Variants in UBR2 observed in about 807,000 individuals in gnomAD.
UBR2 encodes ubiquitin protein ligase E3 component n-recognin 2, also known as E3 ubiquitin-protein ligase UBR2.
A neutral mutation model predicts 247.9 loss-of-function variants in UBR2; 92 were observed. The ratio of observed to expected loss-of-function variants is 0.37; its 90% CI spans 0.31 to 0.44. The LOEUF (loss-of-function observed/expected upper bound fraction) is 0.44. Ranked by LOEUF, UBR2 falls within the 20% of genes least tolerant of loss-of-function variation. The pLI, the probability that UBR2 is intolerant of heterozygous loss-of-function variation, is 1.00. For missense variants in UBR2, 1,613 were observed against 2,112.6 expected (o/e 0.76, Z 4.64); for synonymous variants, 672 against 693.5 (o/e 0.97, Z 0.49).
intron 34 of UBR2, among the ~76,000 whole-genome samples, chr6:42,669,365 A>G (rs1798304317): frequency 6.6e-6 from 1 of 152,160 alleles, no homozygotes. Context: ...GAATCTGAAC[A>G]TTCATGTCCT....
intron 43 of UBR2, 71 bp downstream of exon 43, chr6:42,683,182 T>G (rs1799157705): frequency 7.7e-7 from 1 of 1,306,860 alleles, no homozygotes; most frequent in Non-Finnish European, 1.1e-6. Context: ...AGTGCTATAT[T>G]CCTTCAGAAA....
chr6:42,568,797 C>G (rs1790937207), intron 1 of UBR2, among the ~76,000 whole-genome samples: 1 of 152,168 alleles, frequency 6.6e-6, no homozygotes, highest in African/African-American at 2.4e-5. Flanking sequence ...TATTGTTACG[C>G]TTGCCACCAG....
intron 38 of UBR2, among the ~76,000 whole-genome samples, chr6:42,674,839 C>G (rs1361212880): frequency 1.3e-5 from 2 of 151,836 alleles, no homozygotes; most frequent in African/African-American, 4.8e-5. Flanking sequence ...CTGGCAGATA[C>G]AGCCCTGTGG....
rs1562312114 is a variant in UBR2 at position 42,614,408 on chromosome 6, G to GTACGTACATACATACGTATA, written c.986-661_986-660insCGTACATACATACGTATATA. Among the ~76,000 whole-genome samples the GTACGTACATACATACGTATA allele has an allele frequency of 1.6e-4, 5 of 32,196 alleles. 1 individual carries two copies. The highest frequency in any genetic ancestry group is 9.8e-4 in the Admixed American group (3 of 3,074). 21.1% of individuals were successfully genotyped at this position (32,196 alleles called of 152,430 possible). On this transcript the variant is annotated intron_variant, in intron 8 of 46. Transcript: ENST00000372901. ...TGTATGTACGTACATACATACGTATGTATGTACGTACGTACATATATATGT... is the reference window on the plus strand; with the variant it reads ...TGTATGTACGTACATACATACGTATGTACGTACATACATACGTATATATGTACGTACGTACATATATATGT...
chr6:42,679,217 C>T (rs531466322), intron 41 of UBR2, among the ~76,000 whole-genome samples: 2 of 152,296 alleles, frequency 1.3e-5, no homozygotes, highest in Admixed American at 1.3e-4. Context: ...CCGTAGAGTA[C>T]CTGCATGCAG....
At position 42,652,509 on chromosome 6, in the gene UBR2, TG is replaced by T. The variant is rs1192462460; in HGVS notation, c.2634del (p.Leu878PhefsTer50). On this transcript the variant is annotated frameshift_variant, in exon 25 of 47. Coordinates refer to ENST00000372901, the MANE Select transcript of UBR2 (RefSeq NM_001363705.2). LOFTEE classifies it high-confidence loss of function. ...TTTTCAGCACTCCCACCTCCGGTGT[TG>T]CCTCCATTCTGCCCTCTGTTTGCAA... ...REDTALPPPV[L>X]PPFCPLFASL... 1 of 1,608,074 alleles carries T rather than the reference TG, an allele frequency of 6.2e-7. No homozygotes were observed. Among genetic ancestry groups the T allele is most frequent in the Admixed American group, 1.7e-5 (1 of 57,960 alleles).
At chr6:42,588,981 A>G (rs1249328378) in intron 2 of UBR2, among the ~76,000 whole-genome samples, 1 of 152,084 alleles carries the variant, frequency 6.6e-6, no homozygotes, top group Non-Finnish European at 1.5e-5. Context: ...TGGGCATTGT[A>G]TTTTGTCAAA....
intron 11 of UBR2, among the ~76,000 whole-genome samples, chr6:42,624,405 G>A (rs933669584): frequency 7.9e-5 from 12 of 151,336 alleles, no homozygotes; most frequent in Admixed American, 2.0e-4. Flanking sequence ...CTTCCACCTC[G>A]GCCTACCAAA....
At chr6:42,631,882 AT>A (rs1562333089) in intron 11 of UBR2, among the ~76,000 whole-genome samples, 3 of 140,616 alleles carry the variant, frequency 2.1e-5, no homozygotes, top group African/African-American at 7.9e-5. Flanking sequence ...ATATATATAT[AT>A]ATATATAAAT....
intron 25 of UBR2, among the ~76,000 whole-genome samples, 187 bp downstream of exon 25, chr6:42,652,832 G>GGTTGTTATTACCTCAGTCCCACTGGGCA (rs1797204272): frequency 6.6e-6 from 1 of 152,050 alleles, no homozygotes; most frequent in Non-Finnish European, 1.5e-5. Context: ...TATACCACAT[G>GGTTGTTATTACCTCAGTCCCACTGGGCA]GTTGTTATTA....
chr6:42,680,850 C>T (rs1798997312), intron 42 of UBR2, among the ~76,000 whole-genome samples: 1 of 152,224 alleles, frequency 6.6e-6, no homozygotes, highest in Non-Finnish European at 1.5e-5. Context: ...GGGAGGATCA[C>T]TTGAGCCCAG....
At chr6:42,658,452 T>C in intron 28 of UBR2, 132 bp downstream of exon 28, 1 of 1,115,262 alleles carries the variant, frequency 9.0e-7, no homozygotes, top group Non-Finnish European at 1.3e-6. Flanking sequence ...ACTATTTATC[T>C]CTATTTGTTG....
chr6:42,666,616 T>G (rs548134775), intron 34 of UBR2, among the ~76,000 whole-genome samples: 40 of 152,308 alleles, frequency 2.6e-4, no homozygotes, highest in African/African-American at 9.6e-4. Context: ...TGCTGACCCC[T>G]GCCACACCCC....
rs768768944 is a variant in UBR2, at chr6:42,679,782, C to T, written c.4668C>T (p.Leu1556=). Residue 1556 remains leucine, a synonymous_variant, in exon 42 of 47, where the codon CTC becomes CTT. Transcript: ENST00000372901. The part of the protein sequence containing the change: ...LCSYLSLPNN[L]ICLFQENSEI... Reference sequence around the variant, plus strand: ...GCTATCTTTCCCTACCAAACAACCTCATTTGCCTTTTTCAAGAAAATAGTG... The same window carrying T: ...GCTATCTTTCCCTACCAAACAACCTTATTTGCCTTTTTCAAGAAAATAGTG... 7.4e-6 allele frequency: 12 copies of T among 1,613,576 alleles called. No homozygotes were observed. The African/African-American group carries it at 1.5e-4, about 20-fold the overall frequency.
At chr6:42,640,383 GGT>G (rs61668810) in intron 16 of UBR2, 113 bp downstream of exon 16, 9,373 of 171,892 alleles carry the variant, frequency 0.055, 94 homozygotes, top group East Asian at 0.1. Flanking sequence ...GAACCAGTAA[GGT>G]GTGTGTGTGT....
rs2152000630 is a variant in UBR2 at position 42,691,656 on chromosome 6, A to G, written c.*483A>G. The G allele has an allele frequency of 5.9e-6, 1 of 170,346 alleles. No individual in the cohort carries two copies. Among genetic ancestry groups the G allele is most frequent in the South Asian group, 1.5e-4 (1 of 6,878 alleles). The allele number at this position is 170,346 out of a possible 1,614,324, so 10.6% of individuals were successfully genotyped here. ...CCTACTCCTAGGAGCAAAGTGGTTG[A>G]TTTTGAAGGCAGTGTTCCCTTCTCT... On this transcript the variant is annotated 3_prime_UTR_variant, in exon 47 of 47. Coordinates refer to ENST00000372901, the MANE Select transcript of UBR2 (RefSeq NM_001363705.2).
chr6:42,571,077 C>T (rs2151900210), intron 1 of UBR2, among the ~76,000 whole-genome samples: 1 of 149,934 alleles, frequency 6.7e-6, no homozygotes, highest in South Asian at 2.2e-4. Context: ...GTTACAGTTA[C>T]TAGACTGCAT....
At chr6:42,646,816 T>TAG (rs1206509553) in intron 21 of UBR2, among the ~76,000 whole-genome samples, 46 of 148,982 alleles carry the variant, frequency 3.1e-4, no homozygotes, top group South Asian at 2.1e-3. Context: ...TTTATATATA[T>TAG]ATATAGAGAG....
chr6:42,595,729 A>C (rs1792927309), intron 4 of UBR2, among the ~76,000 whole-genome samples: 1 of 152,044 alleles, frequency 6.6e-6, no homozygotes, highest in Non-Finnish European at 1.5e-5. Flanking sequence ...AAAAAAAAAA[A>C]AAAAAAAGTT....
Sources: gnomAD v4.1 joint callset for allele counts (sites outside exome capture counted in the v4.1 genomes callset) on GRCh38, gnomAD v4.1.1 for gene constraint, MANE v1.5 for transcripts, NCBI Gene and HGNC (gene_info 2026-07-23, HGNC 2026-07-21) for gene names.